EIF4E: variants seen among roughly 807,000 people sequenced by gnomAD.
EIF4E encodes the protein eIF-4F 25 kDa subunit.
For missense variants in EIF4E, 113 were observed against 265.6 expected (o/e 0.43, Z 3.99); for synonymous variants, 71 against 88.5 (o/e 0.80, Z 1.11).
At chr4:98,911,414 C>T (rs1725124281) in intron 1 of EIF4E, among the ~76,000 whole-genome samples, 1 of 146,374 alleles carries the variant, frequency 6.8e-6, no homozygotes, top group South Asian at 2.4e-4. Context: ...AATCCCAGCA[C>T]TTTGGGAGGC....
intron 3 of EIF4E, chr4:98,890,989 T>C (rs750928222): frequency 3.0e-5 from 16 of 540,458 alleles, no homozygotes; most frequent in Admixed American, 6.8e-5. Context: ...CTAAGGGCAA[T>C]AATGGATTCT....
rs1272568505 is a variant in EIF4E, at chr4:98,879,694, A to G, written c.*1334T>C. 7 of 152,146 alleles carry G rather than the reference A, an allele frequency of 4.6e-5. No individual in the cohort carries two copies. Among genetic ancestry groups the G allele is most frequent in the African/African-American group, 1.7e-4 (7 of 41,456 alleles). 9.4% of individuals were successfully genotyped at this position (152,146 alleles called of 1,614,324 possible). On this transcript the variant is annotated 3_prime_UTR_variant, in exon 7 of 7. Coordinates refer to ENST00000450253, the MANE Select transcript of EIF4E (RefSeq NM_001968.5). ...TATCATTTTGACACTTAACATAGAA[A>G]CAACTCAATTCAGCAACCAAGTTTT...
At chr4:98,889,031 C>A (rs929720751) in intron 3 of EIF4E, among the ~76,000 whole-genome samples, 1 of 151,884 alleles carries the variant, frequency 6.6e-6, no homozygotes, top group Non-Finnish European at 1.5e-5. Context: ...TGGTGGCATG[C>A]GCCTGTAATC....
At chr4:98,885,490 C>T (rs1319715914) in intron 5 of EIF4E, among the ~76,000 whole-genome samples, 1 of 152,130 alleles carries the variant, frequency 6.6e-6, no homozygotes, top group African/African-American at 2.4e-5. Context: ...CTCTGTCACC[C>T]TGGCTGGAGT....
intron 1 of EIF4E, among the ~76,000 whole-genome samples, chr4:98,922,579 G>A (rs1186538559): frequency 6.6e-6 from 1 of 151,108 alleles, no homozygotes; most frequent in Non-Finnish European, 1.5e-5. Flanking sequence ...AGAAATAAAT[G>A]AGTTAATATA....
chr4:98,900,299 C>A (rs1724591973), intron 2 of EIF4E, among the ~76,000 whole-genome samples: 2 of 152,112 alleles, frequency 1.3e-5, no homozygotes, highest in African/African-American at 4.8e-5. Flanking sequence ...GACTGTTTGA[C>A]CTCTGATGTC....
At chr4:98,904,345 T>C (rs1043360639) in intron 1 of EIF4E, among the ~76,000 whole-genome samples, 1 of 152,232 alleles carries the variant, frequency 6.6e-6, no homozygotes, top group Non-Finnish European at 1.5e-5. Flanking sequence ...CTCAAGTCTT[T>C]GGACATACAG....
rs866402809 is a variant in EIF4E, at chr4:98,909,868, G to A, written c.19-7886C>T. 38 of 651,022 alleles carry A rather than the reference G, an allele frequency of 5.8e-5. No individual in the cohort carries two copies. The Middle Eastern group carries it at 2.2e-3, about 39-fold the overall frequency. The allele number at this position is 651,022 out of a possible 1,614,324, so 40.3% of individuals were successfully genotyped here. A position where few individuals can be genotyped will look rare whatever the true frequency, so the allele number is the denominator to read the frequency against. On this transcript the variant is annotated intron_variant, in intron 1 of 6. Transcript: ENST00000450253. ...AGCCATGGTCCCCCAAGCGCCATGAGAAGGGTGGGACAGAGAGCCAGGGTA... is the reference window on the plus strand; with the variant it reads ...AGCCATGGTCCCCCAAGCGCCATGAAAAGGGTGGGACAGAGAGCCAGGGTA...
intron 3 of EIF4E, chr4:98,890,950 G>A (rs1724119525): frequency 2.3e-6 from 1 of 440,050 alleles, no homozygotes; most frequent in Non-Finnish European, 4.1e-6. Flanking sequence ...ACCAGGAGTG[G>A]AACAAGTTCC....
intron 5 of EIF4E, 137 bp from the exon 6 acceptor site, chr4:98,885,198 T>C: frequency 1.9e-6 from 2 of 1,040,018 alleles, no homozygotes; most frequent in Non-Finnish European, 2.8e-6. Flanking sequence ...GTAAATTTTA[T>C]TTGCATATAT....
intron 1 of EIF4E, among the ~76,000 whole-genome samples, chr4:98,922,664 A>G (rs1184784778): frequency 6.6e-6 from 1 of 152,072 alleles, no homozygotes; most frequent in Non-Finnish European, 1.5e-5. Context: ...ATCTTTCTAC[A>G]TTAAAAATAG....
In EIF4E at chr4:98,887,728, A is replaced by C. The variant is rs1723982812; in HGVS notation, c.285+161T>G. On this transcript the variant is annotated intron_variant, in intron 4 of 6. Coordinates refer to ENST00000450253, the MANE Select transcript of EIF4E (RefSeq NM_001968.5). The surrounding 1 kb of genome is among the most constrained non-coding windows in gnomAD (Gnocchi z 4.0). ...ACTCTCTCTCAATTTTTATAAACAA[A>C]TAGAATAAGATATATTGATACTAAA... is the stretch of plus-strand genomic sequence containing the variant. Among the ~76,000 whole-genome samples, 1 of 152,200 alleles carries C rather than the reference A, an allele frequency of 6.6e-6. No individual in the cohort carries two copies. Among genetic ancestry groups the C allele is most frequent in the Non-Finnish European group, 1.5e-5 (1 of 68,036 alleles).
intron 1 of EIF4E, among the ~76,000 whole-genome samples, chr4:98,924,961 T>A (rs935382046): frequency 5.9e-5 from 9 of 152,226 alleles, no homozygotes; most frequent in Non-Finnish European, 8.8e-5. Flanking sequence ...TTACGTGGAT[T>A]ATCGAGGAAC....
At chr4:98,899,218 T>C (rs1207969216) in intron 2 of EIF4E, among the ~76,000 whole-genome samples, 1 of 152,072 alleles carries the variant, frequency 6.6e-6, no homozygotes, top group South Asian at 2.1e-4. Flanking sequence ...ATTCCATAAC[T>C]TGTTAGCTTG....
At chr4:98,926,716 A>G (rs1725884765) in intron 1 of EIF4E, among the ~76,000 whole-genome samples, 1 of 152,238 alleles carries the variant, frequency 6.6e-6, no homozygotes, top group African/African-American at 2.4e-5. Context: ...CAAATACTGT[A>G]TCACTAACCA....
intron 1 of EIF4E, among the ~76,000 whole-genome samples, chr4:98,904,576 G>A (rs1175615659): frequency 2.6e-5 from 4 of 152,112 alleles, no homozygotes; most frequent in Admixed American, 6.6e-5. Context: ...TTCAAGACCA[G>A]CCTGGCCGAC....
At chr4:98,924,664 G>T (rs1206745714) in intron 1 of EIF4E, among the ~76,000 whole-genome samples, 1 of 151,914 alleles carries the variant, frequency 6.6e-6, no homozygotes, top group African/African-American at 2.4e-5. Context: ...TACCATCTCG[G>T]TTCACTGCAA....
intron 1 of EIF4E, among the ~76,000 whole-genome samples, chr4:98,913,743 C>T (rs1256746524): frequency 6.6e-6 from 1 of 152,176 alleles, no homozygotes; most frequent in East Asian, 1.9e-4. Context: ...ATACAACCTT[C>T]TATTTACTTA....
chr4:98,896,496 A>AAAAAAC (rs1724401922), intron 2 of EIF4E, among the ~76,000 whole-genome samples: 1 of 148,012 alleles, frequency 6.8e-6, no homozygotes, highest in African/African-American at 2.5e-5. Flanking sequence ...CAAAAAAAAA[A>AAAAAAC]AAAAAAAAAA....
Sources: allele counts gnomAD v4.1 joint callset (sites outside exome capture counted in the v4.1 genomes callset), GRCh38; gene constraint gnomAD v4.1.1; non-coding constraint Gnocchi (gnomAD v3.1); transcripts MANE v1.5; gene names NCBI Gene and HGNC (gene_info 2026-07-23, HGNC 2026-07-21).